RGS3: variants seen among roughly 807,000 people sequenced by gnomAD.
The protein encoded by RGS3 is regulator of G protein signaling 3.
A neutral mutation model predicts 132.6 loss-of-function variants in RGS3; 80 were observed. The ratio of observed to expected loss-of-function variants is 0.60; its 90% CI spans 0.50 to 0.73. RGS3 has a LOEUF of 0.73. RGS3 is among the 30% of genes least tolerant of loss of function. RGS3 has a pLI of 0.00. For missense variants in RGS3, 1,382 were observed against 1,530.8 expected (o/e 0.90, Z 1.62); for synonymous variants, 598 against 620.6 (o/e 0.96, Z 0.54).
chr9:113,504,354 C>T (rs1329701176), intron 10 of RGS3, among the ~76,000 whole-genome samples: 2 of 152,174 alleles, frequency 1.3e-5, no homozygotes, highest in African/African-American at 4.8e-5. Flanking sequence ...GGGGGTCTCT[C>T]GGGACCCCTT....
chr9:113,495,891 G>A (rs371113733), intron 8 of RGS3, 45 bp downstream of exon 6: 17 of 1,530,294 alleles, frequency 1.1e-5, no homozygotes, highest in Non-Finnish European at 1.4e-5. Flanking sequence ...CAACTGGGCC[G>A]GGGCTGGTAC....
chr9:113,499,570 A>G (rs145272303), intron 10 of RGS3, among the ~76,000 whole-genome samples: 7 of 152,310 alleles, frequency 4.6e-5, no homozygotes, highest in Admixed American at 1.3e-4. Context: ...TCTACCAAAC[A>G]TTTTCACGTT....
chr9:113,580,576 C>T (rs1834742836), intron 19 of RGS3: 1 of 155,710 alleles, frequency 6.4e-6, no homozygotes, highest in South Asian at 2.0e-4. Flanking sequence ...AAAAAGTGGC[C>T]CCATTGGGAT....
intron 18 of RGS3, among the ~76,000 whole-genome samples, chr9:113,533,918 C>T (rs994897743): frequency 6.6e-6 from 1 of 152,236 alleles, no homozygotes; most frequent in Non-Finnish European, 1.5e-5. Flanking sequence ...CGGAGGGAAG[C>T]TGTTGTTAAG....
chr9:113,529,375 C>A, intron 18 of RGS3, 111 bp downstream of exon 16: 2 of 955,760 alleles, frequency 2.1e-6, no homozygotes, highest in South Asian at 1.3e-5. Context: ...CATACCCACT[C>A]ATGCCGAAGT....
At chr9:113,575,897 T>C (rs190465860) in intron 19 of RGS3, among the ~76,000 whole-genome samples, 2 of 152,334 alleles carry the variant, frequency 1.3e-5, no homozygotes, top group Admixed American at 1.3e-4. Flanking sequence ...CAAACTTTAA[T>C]GTGCAAATGA....
chr9:113,533,040 A>C (rs1190516097), intron 18 of RGS3, among the ~76,000 whole-genome samples: 3 of 152,158 alleles, frequency 2.0e-5, no homozygotes, highest in Non-Finnish European at 2.9e-5. Context: ...GTTGGAGATG[A>C]GATCCCAGCA....
chr9:113,561,432 C>T (rs72763816), intron 19 of RGS3, among the ~76,000 whole-genome samples: 18,642 of 151,158 alleles, frequency 0.12, 1,422 homozygotes, highest in African/African-American at 0.21. Flanking sequence ...CTCTCTTTCA[C>T]GGGGTCTTGC....
chr9:113,570,368 G>T (rs759266682), intron 19 of RGS3: 2 of 152,194 alleles, frequency 1.3e-5, no homozygotes, highest in Admixed American at 6.5e-5. Flanking sequence ...GTTGGAATGC[G>T]CAATCAGAGA....
At chr9:113,539,744 G>A (rs1359176561) in intron 19 of RGS3, among the ~76,000 whole-genome samples, 1 of 152,180 alleles carries the variant, frequency 6.6e-6, no homozygotes, top group Non-Finnish European at 1.5e-5. Flanking sequence ...CCAGATGTGG[G>A]GGATTCTTTA....
At chr9:113,589,752 T>C (rs574854852) in intron 20 of RGS3, 1 of 152,378 alleles carries the variant, frequency 6.6e-6, no homozygotes, top group East Asian at 1.9e-4. Context: ...TGACCACTGG[T>C]TACTGAGGTT....
chr9:113,536,469 G>C (rs1284860985), intron 18 of RGS3: 2 of 1,029,842 alleles, frequency 1.9e-6, no homozygotes, highest in Non-Finnish European at 2.3e-6. Flanking sequence ...TCCCTCAGCT[G>C]CTGCTTTGTG....
At chr9:113,553,459 A>AATATATATATAT (rs1217293385) in intron 19 of RGS3, among the ~76,000 whole-genome samples, 3 of 58,690 alleles carry the variant, frequency 5.1e-5, no homozygotes, top group Non-Finnish European at 6.0e-5. Context: ...AAAAAAAAAA[A>AATATATATATAT]ATATATATAT....
upstream of RGS3, among the ~76,000 whole-genome samples, chr9:113,458,108 G>A (rs1217561778): frequency 6.6e-6 from 1 of 152,192 alleles, no homozygotes; most frequent in Non-Finnish European, 1.5e-5. Flanking sequence ...GTAGAGACGG[G>A]GTTTCACCAT....
chr9:113,565,157 C>G lies in RGS3; in HGVS notation c.2038-18293C>G. The G allele has an allele frequency of 8.2e-7, 1 of 1,215,992 alleles. No individual in the cohort carries two copies. The highest frequency in any genetic ancestry group is 1.5e-5 in the South Asian group (1 of 68,160). 75.3% of individuals were successfully genotyped at this position (1,215,992 alleles called of 1,614,324 possible). ...GGGATGAGCCACAGGGGACCCACAG[C>G]CTATGCGTGTGAGCATGTAACCCGG... On this transcript the variant is annotated intron_variant, in intron 19 of 24. Coordinates refer to ENST00000350696, the Ensembl canonical transcript of RGS3. The surrounding 1 kb of genome is among the most constrained non-coding windows in gnomAD (Gnocchi z 5.7).
At chr9:113,450,363 G>A (rs1169801787) in intron 1 of RGS3, among the ~76,000 whole-genome samples, 1 of 152,220 alleles carries the variant, frequency 6.6e-6, no homozygotes, top group Non-Finnish European at 1.5e-5. Context: ...GAGCCACCGT[G>A]CCTGGCCAGA....
intron 19 of RGS3, among the ~76,000 whole-genome samples, chr9:113,578,554 G>A (rs1468933963): frequency 6.6e-6 from 1 of 152,126 alleles, no homozygotes; most frequent in Non-Finnish European, 1.5e-5. Flanking sequence ...ATGGCCTGGA[G>A]GGTCTCTGAG....
In RGS3 at chr9:113,517,533, A is replaced by G. The variant is rs753241437; in HGVS notation, c.1675-8A>G. ...TTGAACTGCCCACTCAGCCTGCTTT[A>G]TTTCCAGCCTCTAGATCTCTGTAAT... is the stretch of plus-strand genomic sequence containing the variant. On this transcript the variant is annotated splice_region_variant and splice_polypyrimidine_tract_variant and intron_variant, in intron 15 of 24. Transcript: ENST00000350696. 6.2e-7 allele frequency: 1 copy of G among 1,612,134 alleles called. No individual in the cohort carries two copies. The highest frequency in any genetic ancestry group is 8.5e-7 in the Non-Finnish European group (1 of 1,179,572).
chr9:113,528,928 C>G (rs1832340605), intron 17 of RGS3, among the ~76,000 whole-genome samples: 1 of 152,232 alleles, frequency 6.6e-6, no homozygotes. Context: ...GAGGGCTCCC[C>G]CCAGTACCTG....
Sources: allele counts gnomAD v4.1 joint callset (sites outside exome capture counted in the v4.1 genomes callset), GRCh38; gene constraint gnomAD v4.1.1; non-coding constraint Gnocchi (gnomAD v3.1); transcripts MANE v1.5; gene names NCBI Gene and HGNC (gene_info 2026-07-23, HGNC 2026-07-21).